Variants in IMPACT observed in about 807,000 individuals in gnomAD.
IMPACT encodes the protein protein IMPACT.
IMPACT carries 35 observed loss-of-function variants against 47.5 expected under a neutral mutation model. That is an observed-to-expected ratio of 0.74 (90% CI 0.56 to 0.98). IMPACT has a LOEUF of 0.98. Ranked by LOEUF, IMPACT falls within the 50% of genes least tolerant of loss-of-function variation. The pLI is 0.00. For missense variants in IMPACT, 373 were observed against 394.8 expected, an observed-to-expected ratio of 0.94 and a Z score of 0.47; for synonymous variants, 118 against 125.6, an observed-to-expected ratio of 0.94 and a Z score of 0.40.
At chr18:24,442,140 A>G (rs992789537) in intron 6 of IMPACT, among the ~76,000 whole-genome samples, 5 of 149,454 alleles carry the variant, frequency 3.3e-5, no homozygotes, top group Non-Finnish European at 7.4e-5. Context: ...TTGAGGGTTA[A>G]TTAGTGATTC....
At chr18:24,439,802 ACT>A (rs1196273272) in intron 5 of IMPACT, among the ~76,000 whole-genome samples, 1 of 152,072 alleles carries the variant, frequency 6.6e-6, no homozygotes, top group Non-Finnish European at 1.5e-5. Flanking sequence ...ACGGAATGAG[ACT>A]CTGTGTCAAA....
chr18:24,428,935 C>G lies in IMPACT; in HGVS notation c.218+14C>G. ...CTACCAGTTGAAGTAAGCTGTATTT[C>G]TACGTTTATATTGCTATAAAAAGAT... On this transcript the variant is annotated intron_variant, in intron 3 of 10. Transcript: ENST00000284202. 2 of 1,585,618 alleles carry G rather than the reference C, an allele frequency of 1.3e-6. No homozygotes were observed. The highest frequency in any genetic ancestry group is 1.7e-6 in the Non-Finnish European group (2 of 1,156,218).
intron 8 of IMPACT, among the ~76,000 whole-genome samples, chr18:24,446,482 T>G (rs538880939): frequency 6.6e-6 from 1 of 152,354 alleles, no homozygotes; most frequent in African/African-American, 2.4e-5. Flanking sequence ...AGTGAAGAGA[T>G]GAAGGGCATT....
In IMPACT at chr18:24,440,531, G is replaced by A; in HGVS notation, c.403G>A (p.Val135Ile). 1 of 1,613,186 alleles carries A rather than the reference G, an allele frequency of 6.2e-7. No individual in the cohort carries two copies. Among genetic ancestry groups the A allele is most frequent in the Non-Finnish European group, 8.5e-7 (1 of 1,179,360 alleles). Residue 135 changes from valine (V) to isoleucine (I), a missense_variant, in exon 6 of 11, where the codon GTT becomes ATT. Physicochemically the swap from Val to Ile is conservative, Grantham distance 29 (BLOSUM62 3). Transcript: ENST00000284202. ...DVKKKTEEED[V>I]ECEDDLILAC... Reference sequence around the variant, plus strand: ...AAAGAAGAAAACTGAAGAGGAAGATGTTGAATGTGAAGATGATCTCATTTT... The same window carrying A: ...AAAGAAGAAAACTGAAGAGGAAGATATTGAATGTGAAGATGATCTCATTTT...
chr18:24,431,818 C>T (rs11083064), intron 4 of IMPACT, among the ~76,000 whole-genome samples: 86,131 of 151,878 alleles, frequency 0.57, 26,137 homozygotes, highest in South Asian at 0.69. Context: ...TCTCCAGCCT[C>T]AGCCTCCTGA....
chr18:24,429,270 G>A (rs1446921602), intron 3 of IMPACT, among the ~76,000 whole-genome samples: 1 of 152,116 alleles, frequency 6.6e-6, no homozygotes, highest in Non-Finnish European at 1.5e-5. Context: ...ACAGTTCCTT[G>A]ATGTACCTGT....
intron 3 of IMPACT, chr18:24,429,461 A>G (rs1042771480): frequency 1.3e-5 from 2 of 152,238 alleles, no homozygotes; most frequent in African/African-American, 4.8e-5. Context: ...ATATGTATAA[A>G]CCCTTGGGAA....
At chr18:24,440,014 T>G (rs1909059829) in intron 5 of IMPACT, among the ~76,000 whole-genome samples, 1 of 152,202 alleles carries the variant, frequency 6.6e-6, no homozygotes, top group African/African-American at 2.4e-5. Context: ...TACTGTGGTG[T>G]TTGCCTGATG....
intron 6 of IMPACT, 23 bp downstream of exon 6, chr18:24,440,641 CT>C (rs1299928868): frequency 6.3e-7 from 1 of 1,582,246 alleles, no homozygotes; most frequent in African/African-American, 1.4e-5. Flanking sequence ...TAACTAATTT[CT>C]TTTGAGGAGA....
At chr18:24,434,691 AG>A (rs1374762593) in intron 4 of IMPACT, among the ~76,000 whole-genome samples, 33 of 150,222 alleles carry the variant, frequency 2.2e-4, no homozygotes, top group Admixed American at 2.1e-3. Flanking sequence ...TGAACCCGGG[AG>A]GCAGAGGTTG....
At chr18:24,432,571 C>T (rs962531336) in intron 4 of IMPACT, among the ~76,000 whole-genome samples, 1 of 152,046 alleles carries the variant, frequency 6.6e-6, no homozygotes. Context: ...TCATCCTTGG[C>T]GGAAGTATAA....
chr18:24,445,365 A>G, intron 7 of IMPACT, 28 bp from the exon 8 acceptor site: 1 of 1,272,066 alleles, frequency 7.9e-7, no homozygotes, highest in South Asian at 1.3e-5. Context: ...TAAAAAGCAT[A>G]CTTATTTATA....
intron 1 of IMPACT, 73 bp downstream of exon 1, chr18:24,426,865 C>T (rs897796766): frequency 1.8e-6 from 2 of 1,089,268 alleles, no homozygotes; most frequent in Non-Finnish European, 2.3e-6. Context: ...CCTCCTCAGC[C>T]GAGGGGCCCT....
At chr18:24,429,961 T>C (rs1908709691) in intron 3 of IMPACT, among the ~76,000 whole-genome samples, 1 of 152,070 alleles carries the variant, frequency 6.6e-6, no homozygotes, top group Non-Finnish European at 1.5e-5. Context: ...GTATTTTTAG[T>C]AGAGACGGGG....
chr18:24,440,350 C>T (rs1010729600), intron 5 of IMPACT, 146 bp from the exon 6 acceptor site: 11 of 722,644 alleles, frequency 1.5e-5, no homozygotes, highest in Non-Finnish European at 2.4e-5. Context: ...TGCTCCAACT[C>T]AGGAATCAAC....
chr18:24,436,611 C>T (rs941555074), intron 4 of IMPACT, among the ~76,000 whole-genome samples: 2 of 151,252 alleles, frequency 1.3e-5, no homozygotes, highest in Admixed American at 6.6e-5. Context: ...TGCAGTGGCA[C>T]GATCTCCACT....
At chr18:24,427,025 C>A (rs1908627617) in intron 1 of IMPACT, 1 of 390,946 alleles carries the variant, frequency 2.6e-6, no homozygotes, top group Non-Finnish European at 4.5e-6. Context: ...ACGGTGTCCT[C>A]GTCAACCATT....
chr18:24,445,315 C>A, intron 7 of IMPACT, 78 bp from the exon 8 acceptor site: 1 of 853,888 alleles, frequency 1.2e-6, no homozygotes, highest in Non-Finnish European at 1.9e-6. Context: ...ATACAGCATG[C>A]TTCAAGGTAT....
intron 5 of IMPACT, among the ~76,000 whole-genome samples, chr18:24,439,238 A>T (rs116752081): frequency 6.6e-6 from 1 of 152,160 alleles, no homozygotes; most frequent in African/African-American, 2.4e-5. Flanking sequence ...AACCAAATAT[A>T]TGGGTATTGA....
Sources: gnomAD v4.1 joint callset for allele counts (sites outside exome capture counted in the v4.1 genomes callset) on GRCh38, gnomAD v4.1.1 for gene constraint, MANE v1.5 for transcripts, NCBI Gene and HGNC (gene_info 2026-07-23, HGNC 2026-07-21) for gene names.